KHDRBS2: variants seen among roughly 807,000 people sequenced by gnomAD.
KHDRBS2 encodes the protein KH domain-containing, RNA-binding, signal transduction-associated protein 2.
KHDRBS2 carries 26 observed loss-of-function variants against 44.3 expected under a neutral mutation model. The observed-to-expected ratio is 0.59, with a 90% CI of 0.43 to 0.81. The LOEUF is 0.81. Ranked by LOEUF, KHDRBS2 falls within the 40% of genes least tolerant of loss-of-function variation. The probability of loss-of-function intolerance (pLI) is 0.00; values close to 1 mark genes in which losing one functional copy is unlikely to be tolerated. For missense variants in KHDRBS2, 476 were observed against 433.1 expected, an observed-to-expected ratio of 1.10 and a Z score of -0.88; for synonymous variants, 194 against 151.1, an observed-to-expected ratio of 1.28 and a Z score of -2.08.
chr6:61,564,386 T>C, the KHDRBS2 span, among the ~76,000 whole-genome samples: 32,180 of 152,012 alleles, frequency 0.21, 3,676 homozygotes, highest in East Asian at 0.29. Flanking sequence ...TTTTTTAAAA[T>C]AATGATTTAT....
rs571062489 is a variant in KHDRBS2, at chr6:62,232,450, T to A, written c.91+53408A>T. 1.5e-3 allele frequency among the ~76,000 whole-genome samples: 224 copies of A among 152,250 alleles called. 2 individuals carry two copies. The highest frequency in any genetic ancestry group is 2.4e-3 in the Non-Finnish European group (161 of 68,016). ...TATTTTTGACCAGATCATTGCTCAA[T>A]TATGGAATAATTCTAAGGAAGTAAG... On this transcript the variant is annotated intron_variant, in intron 1 of 8. Coordinates refer to ENST00000281156, the MANE Select transcript of KHDRBS2 (RefSeq NM_152688.4).
intron 6 of KHDRBS2, among the ~76,000 whole-genome samples, chr6:61,755,668 G>T (rs1052866445): frequency 2.0e-5 from 3 of 151,754 alleles, no homozygotes; most frequent in African/African-American, 7.3e-5. Flanking sequence ...AAAATTAGCC[G>T]GGTGTGGTGG....
intron 3 of KHDRBS2, among the ~76,000 whole-genome samples, chr6:62,003,824 C>T (rs182283832): frequency 5.5e-4 from 84 of 152,226 alleles, no homozygotes; most frequent in African/African-American, 2.0e-3. Flanking sequence ...CTCTCTCAGA[C>T]CACAGTGCAA....
At chr6:61,833,017 T>C (rs1454750291) in intron 6 of KHDRBS2, among the ~76,000 whole-genome samples, 2 of 152,222 alleles carry the variant, frequency 1.3e-5, no homozygotes, top group Non-Finnish European at 2.9e-5. Flanking sequence ...TTGGCATATG[T>C]AATTTGTGCT....
intron 5 of KHDRBS2, among the ~76,000 whole-genome samples, chr6:61,899,392 C>T (rs891658998): frequency 6.6e-6 from 1 of 151,834 alleles, no homozygotes; most frequent in Non-Finnish European, 1.5e-5. Context: ...GATATCAGTA[C>T]AGCATTGGAA....
At chr6:61,630,367 G>GAA in the KHDRBS2 span, 36 of 151,660 alleles carry the variant, frequency 2.4e-4, no homozygotes, top group African/African-American at 8.0e-4. Flanking sequence ...CAAAAGCAAA[G>GAA]GTGAATGGCT....
intron 3 of KHDRBS2, among the ~76,000 whole-genome samples, chr6:62,016,721 T>C (rs923805730): frequency 6.6e-6 from 1 of 151,694 alleles, no homozygotes; most frequent in African/African-American, 2.4e-5. Flanking sequence ...TGGGTAATGA[T>C]CAATTAGCAA....
At chr6:62,232,985 A>G (rs1833124630) in intron 1 of KHDRBS2, among the ~76,000 whole-genome samples, 1 of 152,052 alleles carries the variant, frequency 6.6e-6, no homozygotes, top group Non-Finnish European at 1.5e-5. Context: ...ACACAAAGAG[A>G]AAGAAATCCA....
chr6:61,675,846 G>A (rs575398506), downstream of KHDRBS2, among the ~76,000 whole-genome samples: 1 of 151,684 alleles, frequency 6.6e-6, no homozygotes, highest in South Asian at 2.1e-4. Context: ...AGTTGTTATG[G>A]GATCATCTAA....
the KHDRBS2 span, among the ~76,000 whole-genome samples, chr6:61,598,718 C>A: frequency 6.6e-6 from 1 of 151,606 alleles, no homozygotes; most frequent in East Asian, 1.9e-4. Flanking sequence ...GTTTACATTT[C>A]AAAGTGGTAA....
the KHDRBS2 span, chr6:61,574,472 G>A: frequency 3.2e-6 from 4 of 1,268,566 alleles, no homozygotes; most frequent in East Asian, 1.1e-4. Flanking sequence ...AAGCCCACAG[G>A]CTCTAACCTA....
intron 3 of KHDRBS2, among the ~76,000 whole-genome samples, chr6:61,978,926 G>C (rs1236104062): frequency 2.0e-5 from 3 of 151,948 alleles, no homozygotes; most frequent in Non-Finnish European, 4.4e-5. Flanking sequence ...GCTTTTAATG[G>C]CATTATTTTT....
At chr6:61,640,746 A>G in the KHDRBS2 span, among the ~76,000 whole-genome samples, 3 of 152,136 alleles carry the variant, frequency 2.0e-5, no homozygotes, top group African/African-American at 4.8e-5. Context: ...TTCATCCTCA[A>G]TGTCACAGAA....
intron 3 of KHDRBS2, among the ~76,000 whole-genome samples, chr6:61,978,617 A>C (rs2127403513): frequency 6.6e-6 from 1 of 152,186 alleles, no homozygotes; most frequent in Non-Finnish European, 1.5e-5. Flanking sequence ...TTCTTTAAGA[A>C]AACTAAAACT....
intron 4 of KHDRBS2, among the ~76,000 whole-genome samples, chr6:61,973,983 C>A (rs1251171658): frequency 6.6e-6 from 1 of 152,106 alleles, no homozygotes; most frequent in Non-Finnish European, 1.5e-5. Context: ...TGTGCAAAAA[C>A]TCCTCCTTTC....
chr6:62,141,529 C>A (rs1390221721), intron 2 of KHDRBS2, among the ~76,000 whole-genome samples: 1 of 152,048 alleles, frequency 6.6e-6, no homozygotes, highest in Non-Finnish European at 1.5e-5. Flanking sequence ...CAGATGATTT[C>A]TAATTTTTCA....
intron 2 of KHDRBS2, among the ~76,000 whole-genome samples, chr6:62,069,945 C>A (rs1794597075): frequency 6.6e-6 from 1 of 151,588 alleles, no homozygotes; most frequent in African/African-American, 2.4e-5. Flanking sequence ...GATGGATACC[C>A]TTTCTCTGGA....
At chr6:61,620,556 C>T in the KHDRBS2 span, among the ~76,000 whole-genome samples, 2 of 152,120 alleles carry the variant, frequency 1.3e-5, 1 homozygote, top group African/African-American at 4.8e-5. Flanking sequence ...TAAATTTCAC[C>T]ATTGCAAAAG....
chr6:62,264,626 CTTA>C (rs1838891205), intron 1 of KHDRBS2, among the ~76,000 whole-genome samples: 1 of 151,608 alleles, frequency 6.6e-6, no homozygotes, highest in Non-Finnish European at 1.5e-5. Context: ...TTCAAATGAT[CTTA>C]TTATTATTGT....
Sources: allele counts gnomAD v4.1 joint callset (sites outside exome capture counted in the v4.1 genomes callset), GRCh38; gene constraint gnomAD v4.1.1; transcripts MANE v1.5; gene names NCBI Gene and HGNC (gene_info 2026-07-23, HGNC 2026-07-21).